The following PISD variants were observed in gnomAD, a reference collection of about 807,000 sequenced individuals.
PISD encodes the protein phosphatidylserine decarboxylase, also known as phosphatidylserine decarboxylase proenzyme, mitochondrial.
A neutral mutation model predicts 43.5 loss-of-function variants in PISD; 31 were observed. The ratio of observed to expected loss-of-function variants is 0.71; its 90% CI spans 0.54 to 0.96. The LOEUF is 0.96. Among genes scored for constraint, PISD ranks in the 40% least tolerant of loss-of-function variants. The pLI is 0.00. For synonymous variants in PISD, 259 were observed against 228.7 expected (o/e 1.13, Z -1.20); for missense variants, 523 against 548.4 (o/e 0.95, Z 0.46).
intron 3 of PISD, chr22:31,623,572 T>C (rs1227413017): frequency 2.8e-6 from 3 of 1,074,918 alleles, no homozygotes; most frequent in African/African-American, 1.6e-5. Context: ...CCTGAAGATG[T>C]AGCGGTGACC....
At chr22:31,659,172 C>T (rs935253550) in intron 1 of PISD, among the ~76,000 whole-genome samples, 2 of 152,020 alleles carry the variant, frequency 1.3e-5, no homozygotes, top group African/African-American at 4.8e-5. Flanking sequence ...TTTTTAACAT[C>T]ACCCCTAGTA....
Position 31,621,663 on chromosome 22 carries a change from C to G in PISD, c.544G>C (p.Gly182Arg). 6.2e-7 allele frequency: 1 copy of G among 1,613,770 alleles called. No individual in the cohort carries two copies. Among genetic ancestry groups the G allele is most frequent in the Non-Finnish European group, 8.5e-7 (1 of 1,179,930 alleles). Residue 182 changes from glycine (G) to arginine (R), a missense_variant, in exon 4 of 8, where the codon GGC becomes CGC. Transcript: ENST00000439502. ...TCAGGCCTCACCACGCTGTGCAGGC[C>G]ACAGACAGGCCGGGCCTGCGGCTTC... is the stretch of plus-strand genomic sequence containing the variant. ...KLKPQARPVC[G>R]LHSVISPSDG...
rs556369664 is a variant in PISD, at chr22:31,638,453, A to G, written c.321+9648T>C. 4 of 983,396 alleles carry G rather than the reference A, an allele frequency of 4.1e-6. No individual in the cohort carries two copies. In the African/African-American group the frequency reaches 5.2e-5, roughly 13 times the overall value. The allele number at this position is 983,396 out of a possible 1,614,324, so 60.9% of individuals were successfully genotyped here. On this transcript the variant is annotated intron_variant, in intron 3 of 7. Coordinates refer to ENST00000439502, the MANE Select transcript of PISD (RefSeq NM_001326411.2). ...AGGAAGGGGGGATGAAGGGGGATGA[A>G]GTGGGGAAGTGGGGAGAACAGGGAA...
intron 3 of PISD, among the ~76,000 whole-genome samples, chr22:31,640,251 T>C (rs2073652737): frequency 6.7e-6 from 1 of 148,372 alleles, no homozygotes; most frequent in Non-Finnish European, 1.5e-5. Context: ...CCGGCTGGAG[T>C]GCAGTGGCAC....
chr22:31,637,529 G>A (rs533569070), intron 3 of PISD, among the ~76,000 whole-genome samples: 3 of 151,996 alleles, frequency 2.0e-5, no homozygotes, highest in East Asian at 3.9e-4. Context: ...GCACCAGCTC[G>A]CGGCAGCCAC....
rs575936714 is a variant in PISD, at chr22:31,628,030, C to T, written c.322-6145G>A. On this transcript the variant is annotated intron_variant, in intron 3 of 7. Transcript: ENST00000439502. ...GCCAGTGAGCCCAGTGAGGGCAGGG[C>T]GTCCTTGCCCATTTAGATCCTTGTC... 4.3e-4 allele frequency: 419 copies of T among 985,428 alleles called. 4 individuals carry two copies. In the South Asian group the frequency reaches 0.016, roughly 37 times the overall value. The allele number at this position is 985,428 out of a possible 1,614,324, so 61.0% of individuals were successfully genotyped here. A position where few individuals can be genotyped will look rare whatever the true frequency, so the allele number is the denominator to read the frequency against.
At chr22:31,651,558 G>A (rs1363838109) in intron 1 of PISD, among the ~76,000 whole-genome samples, 1 of 152,094 alleles carries the variant, frequency 6.6e-6, no homozygotes, top group East Asian at 1.9e-4. Context: ...AGACCAGCCT[G>A]ACCAACATGG....
In PISD at chr22:31,633,311, G is replaced by T. The variant is rs141927025; in HGVS notation, c.322-11426C>A. 1.5e-3 allele frequency among the ~76,000 whole-genome samples: 222 copies of T among 152,330 alleles called. 3 individuals carry two copies. The highest frequency in any genetic ancestry group is 3.9e-3 in the Admixed American group (60 of 15,294). ...ACATTCTACCTCCCATGTGCTGAGA[G>T]ATCTCTGGGATTCTCACACTCTTCC... On this transcript the variant is annotated intron_variant, in intron 3 of 7. Coordinates refer to ENST00000439502, the MANE Select transcript of PISD (RefSeq NM_001326411.2).
At chr22:31,625,814 A>G (rs759764933) in intron 3 of PISD, 32 of 1,600,074 alleles carry the variant, frequency 2.0e-5, no homozygotes, top group Non-Finnish European at 2.3e-5. Flanking sequence ...CTGACACATC[A>G]TGGGCCGGCG....
intron 5 of PISD, 24 bp from the exon 6 acceptor site, chr22:31,621,166 G>C (rs2072543363): frequency 3.1e-6 from 5 of 1,613,916 alleles, no homozygotes; most frequent in African/African-American, 1.3e-5. Flanking sequence ...GCAGACGTGG[G>C]GGCCACCAAC....
intron 3 of PISD, among the ~76,000 whole-genome samples, chr22:31,637,130 ATAATAAATAAAT>A (rs1315358136): frequency 1.8e-5 from 2 of 108,240 alleles, no homozygotes; most frequent in African/African-American, 7.2e-5. Flanking sequence ...AAAAAAAATA[ATAATAAATAAAT>A]TAAAAAAAAA....
chr22:31,626,074 T>G, intron 3 of PISD: 5 of 1,398,070 alleles, frequency 3.6e-6, no homozygotes, highest in Non-Finnish European at 4.7e-6. Context: ...GCTCAGGGCT[T>G]GCAGTCCAGT....
At chr22:31,625,590 G>C in intron 3 of PISD, 1 of 722,794 alleles carries the variant, frequency 1.4e-6, no homozygotes, top group Non-Finnish European at 2.3e-6. Context: ...CCTGAAGCGG[G>C]CTCTCCGACT....
Position 31,650,781 on chromosome 22 carries a change from A to G in PISD, c.66-3T>C. ...CAGTGATCTCACAGGGATGGAGGCT[A>G]TAACCAAGCAAAAATGAACCATTAA... On this transcript the variant is annotated splice_polypyrimidine_tract_variant and splice_region_variant and intron_variant, in intron 1 of 7. Coordinates refer to ENST00000439502, the MANE Select transcript of PISD (RefSeq NM_001326411.2). 6.5e-7 allele frequency: 1 copy of G among 1,533,830 alleles called. No individual in the cohort carries two copies. The highest frequency in any genetic ancestry group is 2.4e-5 in the East Asian group (1 of 40,948).
At chr22:31,620,914 C>A (rs1021370764) in intron 6 of PISD, 82 bp downstream of exon 6, 3 of 1,483,188 alleles carry the variant, frequency 2.0e-6, no homozygotes, top group Non-Finnish European at 2.7e-6. Flanking sequence ...GATCTGGAGC[C>A]TGGTCCCCCA....
In PISD at chr22:31,652,997, C is replaced by T. The variant is rs2074070266; in HGVS notation, c.66-2219G>A. ...GAGGTTACAGTGAGCCGAAAACACGCTACTGTACTCCAGGCTGGGTGACAG... is the reference window on the plus strand; with the variant it reads ...GAGGTTACAGTGAGCCGAAAACACGTTACTGTACTCCAGGCTGGGTGACAG... On this transcript the variant is annotated intron_variant, in intron 1 of 7. Transcript: ENST00000439502. Among the ~76,000 whole-genome samples the T allele has an allele frequency of 2.7e-5, 4 of 149,292 alleles. No homozygotes were observed. The South Asian group carries it at 6.4e-4, about 24-fold the overall frequency.
chr22:31,623,759 C>T, intron 3 of PISD: 1 of 1,614,202 alleles, frequency 6.2e-7, no homozygotes, highest in Non-Finnish European at 8.5e-7. Flanking sequence ...AGAGGACGGT[C>T]AAGGGCCAGG....
intron 3 of PISD, chr22:31,629,001 G>C (rs1325305306): frequency 1.0e-6 from 1 of 985,374 alleles, no homozygotes; most frequent in Non-Finnish European, 1.2e-6. Flanking sequence ...GGAAACAATG[G>C]CTGATAGGAC....
intron 2 of PISD, among the ~76,000 whole-genome samples, chr22:31,648,610 T>C (rs967935372): frequency 6.1e-5 from 9 of 147,266 alleles, no homozygotes; most frequent in Admixed American, 2.1e-4. Flanking sequence ...GAGCTTGCAG[T>C]GAGCCGAGAC....
Sources: allele counts gnomAD v4.1 joint callset (sites outside exome capture counted in the v4.1 genomes callset), GRCh38; gene constraint gnomAD v4.1.1; transcripts MANE v1.5; gene names NCBI Gene and HGNC (gene_info 2026-07-23, HGNC 2026-07-21).